The following CAPNS1 variants were observed in gnomAD, a reference collection of about 807,000 sequenced individuals.
The protein encoded by CAPNS1 is calpain small subunit 1.
A neutral mutation model predicts 39.2 loss-of-function variants in CAPNS1; 32 were observed. The ratio of observed to expected loss-of-function variants is 0.82; its 90% confidence interval spans 0.62 to 1.10. The LOEUF (loss-of-function observed/expected upper bound fraction) is 1.10. Among genes scored for constraint, CAPNS1 ranks in the 50% least tolerant of loss-of-function variants. The pLI, the probability that CAPNS1 is intolerant of heterozygous loss-of-function variation, is 0.00. For synonymous variants in CAPNS1, 153 were observed against 136.2 expected (o/e 1.12, Z -0.86); for missense variants, 353 against 373.1 (o/e 0.95, Z 0.44).
In CAPNS1 at chr19:36,141,158, T is replaced by TGGAGGCGGCGGTGGC; in HGVS notation, c.150_164dup (p.Gly52_Gly56dup). On this transcript the variant is annotated inframe_insertion, in exon 2 of 11. Transcript: ENST00000246533. Reference sequence around the variant, plus strand: ...GCGGCGGCGGCGGCGGCGGCGGTGGTGGAGGCGGCGGTGGCGGTGGAACGG... The same window carrying TGGAGGCGGCGGTGGC: ...GCGGCGGCGGCGGCGGCGGCGGTGGTGGAGGCGGCGGTGGCGGAGGCGGCGGTGGCGGTGGAACGG... 5 of 1,394,724 alleles carry TGGAGGCGGCGGTGGC rather than the reference T, an allele frequency of 3.6e-6. No homozygotes were observed. The highest frequency in any genetic ancestry group is 3.0e-5 in the East Asian group (1 of 33,092). The allele number at this position is 1,394,724 out of a possible 1,614,324, so 86.4% of individuals were successfully genotyped here.
chr19:36,150,042 G>A lies in CAPNS1; in HGVS notation c.*203G>A, dbSNP rs1974722491. 2 of 447,376 alleles carry A rather than the reference G, an allele frequency of 4.5e-6. No individual in the cohort carries two copies. The highest frequency in any genetic ancestry group is 7.1e-5 in the East Asian group (2 of 28,164). 27.7% of individuals were successfully genotyped at this position (447,376 alleles called of 1,614,324 possible). Reference sequence around the variant, plus strand: ...TGCCTGGAGTTCCCCCTGGCTCTAGGACACTCTAACAAGCTCTGTCCACGG... The same window carrying A: ...TGCCTGGAGTTCCCCCTGGCTCTAGAACACTCTAACAAGCTCTGTCCACGG... On this transcript the variant is annotated 3_prime_UTR_variant, in exon 11 of 11. Transcript: ENST00000246533.
At chr19:36,145,557 A>T (rs1974533447) in intron 6 of CAPNS1, 1 of 451,222 alleles carries the variant, frequency 2.2e-6, no homozygotes, top group Non-Finnish European at 4.0e-6. Flanking sequence ...AGGAATTTGT[A>T]CTTTAGAGTA....
At chr19:36,141,517 G>A in intron 2 of CAPNS1, 1 of 1,219,990 alleles carries the variant, frequency 8.2e-7, no homozygotes, top group Non-Finnish European at 1.0e-6. Flanking sequence ...TGGGGCTTAT[G>A]GGTCTGGGCT....
chr19:36,143,810 C>T (rs1974465669), intron 6 of CAPNS1, among the ~76,000 whole-genome samples: 1 of 147,400 alleles, frequency 6.8e-6, no homozygotes, highest in Non-Finnish European at 1.5e-5. Context: ...TTGCAGTGAG[C>T]CGAGATCGCG....
rs922742697 is a variant in CAPNS1 at position 36,141,542 on chromosome 19, T to C, written c.209+322T>C. 8.5e-6 allele frequency: 10 copies of C among 1,181,614 alleles called. No homozygotes were observed. The African/African-American group carries it at 9.6e-5, about 11-fold the overall frequency. 73.2% of individuals were successfully genotyped at this position (1,181,614 alleles called of 1,614,324 possible). ...GGGTCTGGGCTCAGCCTGCATTGGC[T>C]AACCTGGAGATGAACGTTAAAGGTG... On this transcript the variant is annotated intron_variant, in intron 2 of 10. Coordinates refer to ENST00000246533, the MANE Select transcript of CAPNS1 (RefSeq NM_001749.4).
rs1164456966 is a variant in CAPNS1 at position 36,140,108 on chromosome 19, C to A, written c.-65C>A. 1 of 152,222 alleles carries A rather than the reference C, an allele frequency of 6.6e-6. No individual in the cohort carries two copies. Among genetic ancestry groups the A allele is most frequent in the Non-Finnish European group, 1.5e-5 (1 of 68,052 alleles). The allele number at this position is 152,222 out of a possible 1,614,324, so 9.4% of individuals were successfully genotyped here. A position where few individuals can be genotyped will look rare whatever the true frequency, so the allele number is the denominator to read the frequency against. ...CTCCGGAGCCGGACGCTGCGGGAGGCCCGGGAGCGGCAGTGGAACCGACTC... is the reference window on the plus strand; with the variant it reads ...CTCCGGAGCCGGACGCTGCGGGAGGACCGGGAGCGGCAGTGGAACCGACTC... On this transcript the variant is annotated 5_prime_UTR_variant, in exon 1 of 11. Transcript: ENST00000246533.
Position 36,141,429 on chromosome 19 carries a change from G to A in CAPNS1, c.209+209G>A, listed in dbSNP as rs1015708148. On this transcript the variant is annotated intron_variant, in intron 2 of 10. Coordinates refer to ENST00000246533, the MANE Select transcript of CAPNS1 (RefSeq NM_001749.4). Reference sequence around the variant, plus strand: ...GCGGATATCAGTCATTGGGGGCGGTGCTTGATATGGGAGTAGTCTGATTGT... The same window carrying A: ...GCGGATATCAGTCATTGGGGGCGGTACTTGATATGGGAGTAGTCTGATTGT... The A allele has an allele frequency of 6.1e-5, 81 of 1,319,838 alleles. 2 individuals are homozygous for A. The Admixed American group carries it at 3.2e-3, about 53-fold the overall frequency. The allele number at this position is 1,319,838 out of a possible 1,614,324, so 81.8% of individuals were successfully genotyped here.
chr19:36,141,545 C>G, intron 2 of CAPNS1: 1 of 1,178,102 alleles, frequency 8.5e-7, no homozygotes. Context: ...CATTGGCTAA[C>G]CTGGAGATGA....
In CAPNS1 at chr19:36,143,126, G is replaced by T. The variant is rs1974441473; in HGVS notation, c.454G>T (p.Asp152Tyr). ...DTCRSMVAVMDSDTTGKLGFE... is the reference protein window; with the variant it reads ...DTCRSMVAVMYSDTTGKLGFE... ...ATGTCGCAGCATGGTGGCCGTGATG[G>T]ATGTATCCTTGGGGGCAGTGTGGGA... Residue 152 changes from aspartate to tyrosine, a missense_variant and splice_region_variant, in exon 6 of 11, where the codon GAT becomes TAT. Coordinates refer to ENST00000246533, the MANE Select transcript of CAPNS1 (RefSeq NM_001749.4). 1.2e-6 allele frequency: 2 copies of T among 1,613,934 alleles called. No individual in the cohort carries two copies. Among genetic ancestry groups the T allele is most frequent in the Non-Finnish European group, 1.7e-6 (2 of 1,179,974 alleles).
In CAPNS1 at chr19:36,141,254, G is replaced by T. The variant is rs17879310; in HGVS notation, c.209+34G>T. ...GAGACTATCAGAGGGGCGGGGCCTG[G>T]GAATGGGAGGAGCCTCAGTGAGGCG... On this transcript the variant is annotated intron_variant, in intron 2 of 10. Coordinates refer to ENST00000246533, the MANE Select transcript of CAPNS1 (RefSeq NM_001749.4). 4.7e-5 allele frequency: 70 copies of T among 1,501,588 alleles called. No individual in the cohort carries two copies. The East Asian group carries it at 1.5e-3, about 32-fold the overall frequency. The allele number at this position is 1,501,588 out of a possible 1,614,324, so 93.0% of individuals were successfully genotyped here. A position where few individuals can be genotyped will look rare whatever the true frequency, so the allele number is the denominator to read the frequency against.
At chr19:36,149,677 C>A in intron 10 of CAPNS1, 41 bp downstream of exon 10, 1 of 1,590,794 alleles carries the variant, frequency 6.3e-7, no homozygotes, top group Non-Finnish European at 8.6e-7. Context: ...CTGGGAGGAC[C>A]CCACCCCTCA....
chr19:36,142,464 T>C (rs996745728), intron 3 of CAPNS1, 131 bp downstream of exon 3: 19 of 685,354 alleles, frequency 2.8e-5, no homozygotes, highest in Non-Finnish European at 4.1e-5. Flanking sequence ...TCCCATGCCG[T>C]GTCTGCAGCT....
intron 2 of CAPNS1, chr19:36,141,739 G>C (rs1020095897): frequency 4.8e-6 from 2 of 418,922 alleles, no homozygotes; most frequent in Non-Finnish European, 6.5e-6. Context: ...TGGATTAATG[G>C]AGAAAAATGC....
At chr19:36,144,891 A>G (rs1974508695) in intron 6 of CAPNS1, among the ~76,000 whole-genome samples, 1 of 152,248 alleles carries the variant, frequency 6.6e-6, no homozygotes, top group Non-Finnish European at 1.5e-5. Flanking sequence ...GGTTTAGCAC[A>G]GTGTATAGCG....
In CAPNS1 at chr19:36,150,097, C is replaced by T; in HGVS notation, c.*258C>T. 2.6e-6 allele frequency: 1 copy of T among 385,706 alleles called. No individual in the cohort carries two copies. The highest frequency in any genetic ancestry group is 4.6e-6 in the Non-Finnish European group (1 of 217,902). The allele number at this position is 385,706 out of a possible 1,614,324, so 23.9% of individuals were successfully genotyped here. On this transcript the variant is annotated 3_prime_UTR_variant, in exon 11 of 11. Transcript: ENST00000246533. ...CCCCATTCCCACCAGGCCCTGCACA[C>T]ACCCACTCCGTAACCTCTCCCCTGT... is the stretch of plus-strand genomic sequence containing the variant.
At chr19:36,146,794 G>C (rs1974583698) in intron 9 of CAPNS1, among the ~76,000 whole-genome samples, 1 of 152,174 alleles carries the variant, frequency 6.6e-6, no homozygotes, top group South Asian at 2.1e-4. Flanking sequence ...CCTGTGCAAA[G>C]GCCTAGAAGG....
intron 2 of CAPNS1, 68 bp from the exon 3 acceptor site, chr19:36,142,232 G>A (rs1974398481): frequency 7.7e-6 from 7 of 910,280 alleles, no homozygotes; most frequent in Non-Finnish European, 1.1e-5. Context: ...TGGGGCTGAT[G>A]GTTCTGTAGT....
chr19:36,143,156 C>T (rs1974443026), intron 6 of CAPNS1, 28 bp downstream of exon 6: 16 of 1,604,948 alleles, frequency 1.0e-5, no homozygotes, highest in Non-Finnish European at 1.4e-5. Flanking sequence ...GTGGGAGAGG[C>T]CCTGGGTGGA....
intron 7 of CAPNS1, 32 bp from the exon 8 acceptor site, chr19:36,145,944 C>G: frequency 6.2e-7 from 1 of 1,613,142 alleles, no homozygotes; most frequent in Non-Finnish European, 8.5e-7. Flanking sequence ...CCCCACAATG[C>G]TCACTTGGAC....
Sources: gnomAD v4.1 joint callset for allele counts (sites outside exome capture counted in the v4.1 genomes callset) on GRCh38, gnomAD v4.1.1 for gene constraint, MANE v1.5 for transcripts, NCBI Gene and HGNC (gene_info 2026-07-23, HGNC 2026-07-21) for gene names.